FKBP1A: variants seen among roughly 807,000 people sequenced by gnomAD.
FKBP1A encodes peptidyl-prolyl cis-trans isomerase FKBP1A.
A neutral mutation model predicts 14.2 loss-of-function variants in FKBP1A; 5 were observed. That is an observed-to-expected ratio of 0.35 (90% CI 0.18 to 0.74). The LOEUF (loss-of-function observed/expected upper bound fraction) is 0.74, where lower values mean the gene tolerates loss of function less well. Ranked by LOEUF, FKBP1A falls within the 30% of genes least tolerant of loss-of-function variation. The probability of loss-of-function intolerance (pLI) is 0.56; values close to 1 mark genes in which losing one functional copy is unlikely to be tolerated. For missense variants in FKBP1A, 53 were observed against 138.8 expected (o/e 0.38, Z 3.10); for synonymous variants, 42 against 49.1 (o/e 0.86, Z 0.60).
intron 2 of FKBP1A, among the ~76,000 whole-genome samples, 163 bp from the exon 3 acceptor site, chr20:1,375,766 T>C (rs949178790): frequency 6.6e-6 from 1 of 152,084 alleles, no homozygotes; most frequent in Non-Finnish European, 1.5e-5. Context: ...TCTAAGGAGT[T>C]GCGACAGTCC....
intron 2 of FKBP1A, chr20:1,378,396 T>C (rs1025178714): frequency 6.6e-5 from 10 of 152,488 alleles, no homozygotes; most frequent in African/African-American, 2.4e-4. Flanking sequence ...GAAGAACAGA[T>C]GGAGCACAGA....
intron 2 of FKBP1A, among the ~76,000 whole-genome samples, chr20:1,389,836 G>A (rs2089712279): frequency 6.6e-6 from 1 of 152,182 alleles, no homozygotes; most frequent in African/African-American, 2.4e-5. Flanking sequence ...GGCGCCATGA[G>A]AATTCCCTGG....
intron 2 of FKBP1A, among the ~76,000 whole-genome samples, chr20:1,388,259 T>C (rs935278443): frequency 1.3e-5 from 2 of 152,124 alleles, no homozygotes; most frequent in Non-Finnish European, 2.9e-5. Context: ...AACAATACCA[T>C]GAGAAAACAG....
intron 2 of FKBP1A, among the ~76,000 whole-genome samples, chr20:1,390,570 T>C (rs2089723378): frequency 6.6e-6 from 1 of 152,176 alleles, no homozygotes; most frequent in East Asian, 1.9e-4. Flanking sequence ...GCTTCTGCCT[T>C]TGAAAACCCC....
At chr20:1,383,684 T>A (rs376992352) in intron 2 of FKBP1A, among the ~76,000 whole-genome samples, 50 of 125,264 alleles carry the variant, frequency 4.0e-4, no homozygotes, top group South Asian at 7.9e-4. Context: ...TGCAAAAAAT[T>A]AAAAAAAAAA....
intron 2 of FKBP1A, among the ~76,000 whole-genome samples, chr20:1,380,650 T>C (rs2089607404): frequency 6.6e-6 from 1 of 152,048 alleles, no homozygotes; most frequent in South Asian, 2.1e-4. Context: ...CTTCTCAGTA[T>C]AAAACTCAGG....
At position 1,370,028 on chromosome 20, in the gene FKBP1A, T is replaced by C. The variant is rs6041749; in HGVS notation, c.*81A>G. 0.43 allele frequency: 668,089 copies of C among 1,548,388 alleles called. 148,783 individuals are homozygous for C. The highest frequency in any genetic ancestry group is 0.62 in the Middle Eastern group (3,668 of 5,960). The stretch of plus-strand genomic sequence containing the variant: ...AACATCAGGAAAAGCTCCATATGGA[T>C]TCATGTGCACATGTCTGGAGGCACC... On this transcript the variant is annotated 3_prime_UTR_variant, in exon 5 of 5. Transcript: ENST00000400137.
intron 3 of FKBP1A, among the ~76,000 whole-genome samples, chr20:1,373,562 T>C (rs2089497244): frequency 6.6e-6 from 1 of 152,188 alleles, no homozygotes; most frequent in Non-Finnish European, 1.5e-5. Context: ...TTTATGTAGA[T>C]CTCAAACTAC....
At chr20:1,375,259 A>G (rs2089525050) in intron 3 of FKBP1A, 1 of 582,136 alleles carries the variant, frequency 1.7e-6, no homozygotes, top group Admixed American at 3.2e-5. Flanking sequence ...AGTAAACTGC[A>G]AAACAGTATG....
chr20:1,371,859 T>G, intron 4 of FKBP1A: 1 of 1,251,382 alleles, frequency 8.0e-7, no homozygotes, highest in Non-Finnish European at 1.0e-6. Flanking sequence ...TGAGTTGAAC[T>G]GGGAACATAC....
Position 1,392,978 on chromosome 20 carries a change from G to C in FKBP1A, c.21C>G (p.Thr7=). The C allele has an allele frequency of 1.3e-6, 2 of 1,490,524 alleles. No individual in the cohort carries two copies. Among genetic ancestry groups the C allele is most frequent in the African/African-American group, 2.9e-5 (2 of 68,376 alleles). The allele number at this position is 1,490,524 out of a possible 1,614,324, so 92.3% of individuals were successfully genotyped here. A position where few individuals can be genotyped will look rare whatever the true frequency, so the allele number is the denominator to read the frequency against. Residue 7 remains threonine (T), a synonymous_variant, in exon 1 of 5, where the codon ACC becomes ACG. Coordinates refer to ENST00000400137, the MANE Select transcript of FKBP1A (RefSeq NM_000801.5). ...ACTACTCACCGTCTCCTGGGGAGAT[G>C]GTTTCCACCTGCACTCCCATGGCGG... MGVQVE[T]ISPGDGRTFP...
chr20:1,372,006 C>G lies in FKBP1A; in HGVS notation c.*36+70G>C, dbSNP rs184089222. ...GGTGTTTTTTGTTCTCTCTGCTACCCATCAAACGCTGGGCATAACATGGGA... is the reference window on the plus strand; with the variant it reads ...GGTGTTTTTTGTTCTCTCTGCTACCGATCAAACGCTGGGCATAACATGGGA... On this transcript the variant is annotated intron_variant, in intron 4 of 4. Coordinates refer to ENST00000400137, the MANE Select transcript of FKBP1A (RefSeq NM_000801.5). 456 of 1,550,882 alleles carry G rather than the reference C, an allele frequency of 2.9e-4. 2 individuals carry two copies. Among genetic ancestry groups the G allele is most frequent in the Non-Finnish European group, 4.2e-5 (48 of 1,151,050 alleles).
At chr20:1,389,181 C>G (rs6109740) in intron 2 of FKBP1A, among the ~76,000 whole-genome samples, 29,420 of 152,162 alleles carry the variant, frequency 0.19, 3,217 homozygotes, top group African/African-American at 0.28. Context: ...GTCTCCTCAT[C>G]ATAAGCAAAG....
chr20:1,388,466 G>A (rs917201975), intron 2 of FKBP1A, among the ~76,000 whole-genome samples: 11 of 152,204 alleles, frequency 7.2e-5, no homozygotes, highest in Admixed American at 6.5e-4. Flanking sequence ...ATAGGCATTT[G>A]CTTCACAGCA....
At chr20:1,375,991 C>T (rs2089537156) in intron 2 of FKBP1A, among the ~76,000 whole-genome samples, 1 of 152,198 alleles carries the variant, frequency 6.6e-6, no homozygotes, top group Non-Finnish European at 1.5e-5. Flanking sequence ...AGAAGTCACA[C>T]ACAGTGCAAG....
intron 2 of FKBP1A, among the ~76,000 whole-genome samples, chr20:1,389,431 A>G (rs913232823): frequency 6.6e-6 from 1 of 152,134 alleles, no homozygotes; most frequent in African/African-American, 2.4e-5. Flanking sequence ...GATACCTAGC[A>G]AGGGAGTGGA....
intron 2 of FKBP1A, among the ~76,000 whole-genome samples, chr20:1,380,557 C>A (rs894981235): frequency 5.9e-5 from 9 of 152,108 alleles, no homozygotes; most frequent in Non-Finnish European, 1.2e-4. Flanking sequence ...AAATAATCAG[C>A]CCTAAACTGA....
At chr20:1,370,429 T>C in intron 4 of FKBP1A, 1 of 975,486 alleles carries the variant, frequency 1.0e-6, no homozygotes, top group Non-Finnish European at 1.2e-6. Flanking sequence ...AAAAAACTCT[T>C]AATGCCTGGG....
chr20:1,380,211 C>A (rs779104300), intron 2 of FKBP1A, among the ~76,000 whole-genome samples: 12 of 152,012 alleles, frequency 7.9e-5, no homozygotes, highest in Non-Finnish European at 1.8e-4. Flanking sequence ...ACAAGGGCAG[C>A]CCTATATCCT....
Sources: gnomAD v4.1 joint callset for allele counts (sites outside exome capture counted in the v4.1 genomes callset) on GRCh38, gnomAD v4.1.1 for gene constraint, MANE v1.5 for transcripts, NCBI Gene and HGNC (gene_info 2026-07-23, HGNC 2026-07-21) for gene names.